SLC2A9: variants seen among roughly 807,000 people sequenced by gnomAD.
The protein encoded by SLC2A9 is solute carrier family 2 member 9.
In SLC2A9, 39 loss-of-function variants were observed where a neutral mutation model predicts 50.6. The ratio of observed to expected loss-of-function variants is 0.77; its 90% CI spans 0.60 to 1.01. SLC2A9 has a LOEUF of 1.01. Among genes scored for constraint, SLC2A9 ranks in the 50% least tolerant of loss-of-function variants. The pLI is 0.00. For missense variants in SLC2A9, 686 were observed against 677.6 expected, an observed-to-expected ratio of 1.01 and a Z score of -0.14; for synonymous variants, 324 against 276.9, an observed-to-expected ratio of 1.17 and a Z score of -1.69.
At chr4:9,985,147 G>A (rs1756498004) in intron 4 of SLC2A9, among the ~76,000 whole-genome samples, 1 of 152,060 alleles carries the variant, frequency 6.6e-6, no homozygotes, top group Non-Finnish European at 1.5e-5. Context: ...TTTCTTCCTA[G>A]GACATGCTAC....
In SLC2A9 at chr4:9,782,865, C is replaced by T. The variant is rs757838962; in HGVS notation, n.386-2800G>A. ...AGCTGCCGGAGCAGCGCAGCCTGCG[C>T]GCCCGACACCAGCCTGCGCGCTTCC... On this transcript the variant is annotated intron_variant and non_coding_transcript_variant, in intron 3 of 3. Coordinates refer to the SLC2A9 transcript ENST00000503803. 9 of 1,612,144 alleles carry T rather than the reference C, an allele frequency of 5.6e-6. No homozygotes were observed. In the East Asian group the frequency reaches 6.7e-5, roughly 12 times the overall value.
intron 10 of SLC2A9, among the ~76,000 whole-genome samples, chr4:9,864,407 C>A (rs1449122534): frequency 1.3e-5 from 2 of 152,002 alleles, no homozygotes; most frequent in East Asian, 3.8e-4. Flanking sequence ...TTCTGCTCTC[C>A]AAGGGCGATT....
In SLC2A9 at chr4:9,801,472, G is replaced by A. The variant is rs544077843; in HGVS notation, n.421-2231C>T. 9.2e-5 allele frequency among the ~76,000 whole-genome samples: 14 copies of A among 152,302 alleles called. No homozygotes were observed. The East Asian group carries it at 1.9e-3, about 21-fold the overall frequency. The stretch of plus-strand genomic sequence containing the variant: ...TGGTTTACACAATAAATTCAACCCC[G>A]TTGGAGACCCTAGTGAGCTGTGGAG... On this transcript the variant is annotated intron_variant and non_coding_transcript_variant, in intron 3 of 3. Coordinates refer to the SLC2A9 transcript ENST00000503280.
chr4:10,008,627 T>C (rs2109404570), intron 2 of SLC2A9, among the ~76,000 whole-genome samples: 1 of 152,312 alleles, frequency 6.6e-6, no homozygotes, highest in South Asian at 2.1e-4. Flanking sequence ...TTAAACAGTA[T>C]ATATGATGAT....
At chr4:9,798,152 T>C (rs2280207), downstream of SLC2A9, among the ~76,000 whole-genome samples, 79,853 of 152,090 alleles carry the variant, frequency 0.53, 22,355 homozygotes, top group Non-Finnish European at 0.64. Flanking sequence ...CCAAGGGTTA[T>C]AGGCACAGAG....
intron 10 of SLC2A9, among the ~76,000 whole-genome samples, chr4:9,845,087 C>A (rs1261808757): frequency 6.6e-6 from 1 of 152,008 alleles, no homozygotes; most frequent in Non-Finnish European, 1.5e-5. Flanking sequence ...AATCTCGGCT[C>A]ACTGCAAGCT....
At chr4:9,846,834 A>G (rs973260043) in intron 10 of SLC2A9, among the ~76,000 whole-genome samples, 1 of 152,156 alleles carries the variant, frequency 6.6e-6, no homozygotes, top group African/African-American at 2.4e-5. Flanking sequence ...ATTCCAGTGG[A>G]ACCACTATCA....
At chr4:9,793,033 C>T (rs1210200157) in intron 3 of SLC2A9, among the ~76,000 whole-genome samples, 2 of 152,192 alleles carry the variant, frequency 1.3e-5, no homozygotes, top group Non-Finnish European at 2.9e-5. Flanking sequence ...CGCTACCACG[C>T]CCAGCTAATT....
chr4:9,821,097 C>A (rs1724336530), intron 3 of SLC2A9, among the ~76,000 whole-genome samples: 1 of 152,110 alleles, frequency 6.6e-6, no homozygotes, highest in South Asian at 2.1e-4. Context: ...GTTAAGGCAG[C>A]TTTTTTCAAT....
At chr4:9,826,756 C>A (rs1268588709) in intron 11 of SLC2A9, among the ~76,000 whole-genome samples, 156 bp from the exon 12 acceptor site, 1 of 152,150 alleles carries the variant, frequency 6.6e-6, no homozygotes, top group African/African-American at 2.4e-5. Flanking sequence ...GGCAAGTGTA[C>A]CCTACATGAA....
intron 7 of SLC2A9, among the ~76,000 whole-genome samples, chr4:9,915,518 G>A (rs569749088): frequency 2.1e-4 from 32 of 152,176 alleles, no homozygotes; most frequent in Non-Finnish European, 5.9e-5. Context: ...TTACAGGTGT[G>A]AGCCACCATG....
chr4:9,776,015 C>T (rs1001792857), downstream of SLC2A9, among the ~76,000 whole-genome samples: 7 of 152,020 alleles, frequency 4.6e-5, no homozygotes, highest in African/African-American at 1.7e-4. Flanking sequence ...CTTCCGCTCA[C>T]ATTCTATTGG....
At chr4:9,816,819 A>G (rs1723655849) in intron 3 of SLC2A9, among the ~76,000 whole-genome samples, 1 of 146,182 alleles carries the variant, frequency 6.8e-6, no homozygotes, top group Admixed American at 6.9e-5. Flanking sequence ...AAAGTTAAAA[A>G]TTAAAAAAAA....
Position 9,959,256 on chromosome 4 carries a change from G to A in SLC2A9, c.682-17211C>T, listed in dbSNP as rs145980301. Among the ~76,000 whole-genome samples, 459 of 151,734 alleles carry A rather than the reference G, an allele frequency of 3.0e-3. 2 individuals carry two copies. The highest frequency in any genetic ancestry group is 4.0e-3 in the Non-Finnish European group (271 of 67,914). On this transcript the variant is annotated intron_variant, in intron 5 of 11. Coordinates refer to ENST00000264784, the MANE Select transcript of SLC2A9 (RefSeq NM_020041.3). Reference sequence around the variant, plus strand: ...AAAATACAAAAATTAGCCAGGCGTGGTGGCGGGGGCATGTAATCCCAGCTA... The same window carrying A: ...AAAATACAAAAATTAGCCAGGCGTGATGGCGGGGGCATGTAATCCCAGCTA...
intron 10 of SLC2A9, chr4:9,880,467 T>C (rs1735013569): frequency 1.0e-6 from 1 of 985,176 alleles, no homozygotes; most frequent in Non-Finnish European, 1.2e-6. Context: ...CAGCATGTTC[T>C]ACAGTCAAAA....
At chr4:10,016,442 C>T (rs1436119572) in intron 2 of SLC2A9, among the ~76,000 whole-genome samples, 2 of 152,150 alleles carry the variant, frequency 1.3e-5, no homozygotes, top group African/African-American at 4.8e-5. Context: ...ATGAAAAGTA[C>T]ATGGAGGAGG....
At chr4:10,018,589 T>TA (rs765181744) in intron 2 of SLC2A9, among the ~76,000 whole-genome samples, 5 of 151,032 alleles carry the variant, frequency 3.3e-5, no homozygotes, top group Non-Finnish European at 4.4e-5. Context: ...GATAGATAGA[T>TA]AACAACAACA....
At chr4:9,896,484 T>C (rs1044261384) in intron 8 of SLC2A9, among the ~76,000 whole-genome samples, 2 of 152,370 alleles carry the variant, frequency 1.3e-5, no homozygotes, top group East Asian at 3.9e-4. Context: ...AAGAGTTCTT[T>C]ATGTATTCTG....
At chr4:9,778,138 G>C (rs1286282027), downstream of SLC2A9, among the ~76,000 whole-genome samples, 1 of 146,752 alleles carries the variant, frequency 6.8e-6, no homozygotes, top group Non-Finnish European at 1.5e-5. Context: ...CCCGAGTCTT[G>C]CTCTGTTGTC....
Sources: gnomAD v4.1 joint callset for allele counts (sites outside exome capture counted in the v4.1 genomes callset) on GRCh38, gnomAD v4.1.1 for gene constraint, MANE v1.5 for transcripts, NCBI Gene and HGNC (gene_info 2026-07-23, HGNC 2026-07-21) for gene names.